DIAPH3: variants seen among roughly 807,000 people sequenced by gnomAD.
DIAPH3 encodes diaphanous related formin 3.
A neutral mutation model predicts 144.3 loss-of-function variants in DIAPH3; 117 were observed. The observed-to-expected ratio is 0.81, with a 90% CI of 0.70 to 0.95. The LOEUF (loss-of-function observed/expected upper bound fraction) is 0.95. Ranked by LOEUF, DIAPH3 falls within the 40% of genes least tolerant of loss-of-function variation. The pLI, the probability that DIAPH3 is intolerant of heterozygous loss-of-function variation, is 0.00. For missense variants in DIAPH3, 1,421 were observed against 1,412.7 expected, an observed-to-expected ratio of 1.01 and a Z score of -0.09; for synonymous variants, 519 against 488.9, an observed-to-expected ratio of 1.06 and a Z score of -0.81.
intron 16 of DIAPH3, among the ~76,000 whole-genome samples, chr13:59,970,342 G>C (rs1404822426): frequency 6.6e-6 from 1 of 152,102 alleles, no homozygotes; most frequent in Non-Finnish European, 1.5e-5. Flanking sequence ...ATCTTCACCT[G>C]CACTATACAT....
intron 9 of DIAPH3, among the ~76,000 whole-genome samples, chr13:60,003,245 T>A (rs2052629411): frequency 6.6e-6 from 1 of 152,148 alleles, no homozygotes; most frequent in African/African-American, 2.4e-5. Context: ...ACCACCCACA[T>A]GATTCCCTGG....
chr13:59,911,108 A>G (rs752101770), intron 20 of DIAPH3, among the ~76,000 whole-genome samples: 2 of 152,150 alleles, frequency 1.3e-5, no homozygotes, highest in Non-Finnish European at 2.9e-5. Context: ...ACCTAAAAAT[A>G]ATAATTTAAT....
intron 27 of DIAPH3, among the ~76,000 whole-genome samples, chr13:59,759,172 G>T (rs2037445030): frequency 6.6e-6 from 1 of 152,064 alleles, no homozygotes; most frequent in South Asian, 2.1e-4. Context: ...CATGATTAAA[G>T]AAGACCTTAG....
chr13:59,821,987 C>T (rs749275750), intron 24 of DIAPH3, among the ~76,000 whole-genome samples: 3 of 152,096 alleles, frequency 2.0e-5, no homozygotes, highest in African/African-American at 4.8e-5. Context: ...GTTGTAAAAT[C>T]GGTCTCAGGT....
At chr13:59,795,457 T>C (rs1307046367) in intron 25 of DIAPH3, among the ~76,000 whole-genome samples, 26 of 145,128 alleles carry the variant, frequency 1.8e-4, no homozygotes, top group East Asian at 4.0e-4. Context: ...CTCTCTCTCT[T>C]TTTTTTTTTT....
chr13:59,950,715 T>C (rs927563809), intron 17 of DIAPH3, among the ~76,000 whole-genome samples: 8 of 152,080 alleles, frequency 5.3e-5, no homozygotes, highest in Non-Finnish European at 1.2e-4. Context: ...CCAATTAAAA[T>C]CAACAGGTTT....
intron 5 of DIAPH3, among the ~76,000 whole-genome samples, chr13:60,028,585 C>T (rs145233653): frequency 1.3e-5 from 2 of 152,084 alleles, no homozygotes; most frequent in African/African-American, 4.8e-5. Flanking sequence ...TTGTTCTGAC[C>T]GCTCACCTGT....
chr13:59,787,924 G>C (rs1055882084), intron 25 of DIAPH3, among the ~76,000 whole-genome samples: 1 of 152,160 alleles, frequency 6.6e-6, no homozygotes, highest in African/African-American at 2.4e-5. Context: ...ACAATGTGAG[G>C]ACACAGCTAG....
At chr13:59,857,484 T>C (rs1349773623) in intron 22 of DIAPH3, among the ~76,000 whole-genome samples, 1 of 152,098 alleles carries the variant, frequency 6.6e-6, no homozygotes, top group Non-Finnish European at 1.5e-5. Flanking sequence ...AAATCAAATA[T>C]ATCAGTGAAT....
In DIAPH3 at chr13:59,729,810, A is replaced by ATTTTTTT. The variant is rs59987412; in HGVS notation, c.3319+44372_3319+44378dup. Among the ~76,000 whole-genome samples, 82 of 134,204 alleles carry ATTTTTTT rather than the reference A, an allele frequency of 6.1e-4. 2 individuals carry two copies. Among genetic ancestry groups the ATTTTTTT allele is most frequent in the Middle Eastern group, 8.0e-3 (2 of 250 alleles). 88.0% of individuals were successfully genotyped at this position (134,204 alleles called of 152,430 possible). ...TGTGACTTCCGGTGAATACATTAAT[A>ATTTTTTT]TTTTTTTTTTTTTTTTTTTGAGATA... is the stretch of plus-strand genomic sequence containing the variant. On this transcript the variant is annotated intron_variant, in intron 27 of 27. Coordinates refer to ENST00000400324, the MANE Select transcript of DIAPH3 (RefSeq NM_001042517.2).
chr13:59,759,910 T>C (rs956182411), intron 27 of DIAPH3, among the ~76,000 whole-genome samples: 1 of 152,024 alleles, frequency 6.6e-6, no homozygotes, highest in African/African-American at 2.4e-5. Context: ...TCGCGCCCAC[T>C]GCACTCCAGT....
chr13:59,682,415 G>A (rs969850517), intron 27 of DIAPH3, among the ~76,000 whole-genome samples: 3 of 152,090 alleles, frequency 2.0e-5, no homozygotes, highest in Admixed American at 6.6e-5. Flanking sequence ...TCAAAATCCT[G>A]GGCTCAAGTG....
chr13:60,160,435 A>T (rs1403574370), intron 1 of DIAPH3, among the ~76,000 whole-genome samples: 3 of 152,202 alleles, frequency 2.0e-5, no homozygotes, highest in Non-Finnish European at 4.4e-5. Flanking sequence ...GAATGGACTG[A>T]CCTACATCCT....
At chr13:59,971,274 TA>T (rs2140578703) in intron 15 of DIAPH3, 114 bp from the exon 16 acceptor site, 1 of 991,006 alleles carries the variant, frequency 1.0e-6, no homozygotes, top group Non-Finnish European at 1.4e-6. Context: ...TACATATCAG[TA>T]ATTTCATAAG....
chr13:60,008,732 C>T (rs1169469387), intron 8 of DIAPH3, 83 bp from the exon 9 acceptor site: 1 of 867,370 alleles, frequency 1.2e-6, no homozygotes, highest in Middle Eastern at 2.4e-4. Flanking sequence ...CTAAAGAAGT[C>T]AATACCCTAA....
chr13:59,692,881 C>T (rs2033608186), intron 27 of DIAPH3, among the ~76,000 whole-genome samples: 1 of 152,150 alleles, frequency 6.6e-6, no homozygotes, highest in Non-Finnish European at 1.5e-5. Context: ...AATCTTTCTT[C>T]TGACTCCAAC....
chr13:60,036,910 A>T (rs1039728563), intron 5 of DIAPH3, among the ~76,000 whole-genome samples: 48 of 152,228 alleles, frequency 3.2e-4, no homozygotes, highest in African/African-American at 1.1e-3. Context: ...GCAATACTTG[A>T]CAAAACAATG....
At chr13:60,095,049 A>G (rs1451791395) in intron 3 of DIAPH3, among the ~76,000 whole-genome samples, 1 of 151,604 alleles carries the variant, frequency 6.6e-6, no homozygotes, top group Non-Finnish European at 1.5e-5. Flanking sequence ...AGTTGTCACA[A>G]TAATTGAGGT....
chr13:60,087,438 T>C (rs1271232570), intron 4 of DIAPH3, among the ~76,000 whole-genome samples: 2 of 152,168 alleles, frequency 1.3e-5, no homozygotes, highest in African/African-American at 2.4e-5. Flanking sequence ...CACACAAATA[T>C]ATACATACAC....
Sources: gnomAD v4.1 joint callset for allele counts (sites outside exome capture counted in the v4.1 genomes callset) on GRCh38, gnomAD v4.1.1 for gene constraint, MANE v1.5 for transcripts, NCBI Gene and HGNC (gene_info 2026-07-23, HGNC 2026-07-21) for gene names.